GPRIN3: variants seen among roughly 807,000 people sequenced by gnomAD.
The protein encoded by GPRIN3 is G protein-regulated inducer of neurite outgrowth 3.
Under a neutral mutation model 13.7 loss-of-function variants are expected in GPRIN3, and 12 were observed. The observed-to-expected ratio is 0.87, with a 90% CI of 0.56 to 1.42. GPRIN3 has a LOEUF of 1.42. Among genes scored for constraint, GPRIN3 ranks in the 40% most tolerant of loss-of-function variants. The pLI is 0.00. For synonymous variants in GPRIN3, 377 were observed against 372.7 expected (o/e 1.01, Z -0.13); for missense variants, 1,009 against 958.7 (o/e 1.05, Z -0.69).
At chr4:89,296,624 T>G (rs1164854857) in intron 1 of GPRIN3, among the ~76,000 whole-genome samples, 4 of 128,458 alleles carry the variant, frequency 3.1e-5, no homozygotes, top group African/African-American at 9.8e-5. Flanking sequence ...GGCAGTTAAA[T>G]AAAGACACAT....
chr4:89,290,712 A>T (rs1724548508), intron 1 of GPRIN3, among the ~76,000 whole-genome samples: 1 of 151,976 alleles, frequency 6.6e-6, no homozygotes, highest in Non-Finnish European at 1.5e-5. Flanking sequence ...TTTGATAGGG[A>T]CTCTAAGAAG....
intron 1 of GPRIN3, among the ~76,000 whole-genome samples, chr4:89,292,958 AG>A (rs1334292529): frequency 1.3e-5 from 2 of 152,206 alleles, no homozygotes. Context: ...TTTATATTGT[AG>A]GATGATGCAT....
chr4:89,275,320 T>C (rs1163718673), intron 1 of GPRIN3, among the ~76,000 whole-genome samples: 1 of 152,110 alleles, frequency 6.6e-6, no homozygotes, highest in African/African-American at 2.4e-5. Context: ...AAGCTGCGTA[T>C]CTAATTTGAA....
Position 89,242,691 on chromosome 4 carries a change from G to A in GPRIN3, c.*5089C>T, listed in dbSNP as rs1249534551. ...ATTATATAATGGTGTGCCCATAATA[G>A]ATGCATTTGCTGGTATAACTGCCTC... On this transcript the variant is annotated 3_prime_UTR_variant, in exon 2 of 2. Transcript: ENST00000609438. 6.6e-6 allele frequency: 1 copy of A among 152,114 alleles called. No homozygotes were observed. The highest frequency in any genetic ancestry group is 2.4e-5 in the African/African-American group (1 of 41,408). The allele number at this position is 152,114 out of a possible 1,614,324, so 9.4% of individuals were successfully genotyped here.
rs573302263 is a variant in GPRIN3, at chr4:89,303,377, G to A, written c.-124+4238C>T. 3.3e-5 allele frequency among the ~76,000 whole-genome samples: 5 copies of A among 152,250 alleles called. No individual in the cohort carries two copies. In the South Asian group the frequency reaches 1.0e-3, roughly 32 times the overall value. On this transcript the variant is annotated intron_variant, in intron 1 of 1. Transcript: ENST00000609438. ...TGAAATAATCACGCCACAATGTGGT[G>A]TATCTCGTAATGTCAATAGTTCAAC...
chr4:89,262,766 T>C (rs1723669043), intron 1 of GPRIN3, among the ~76,000 whole-genome samples: 1 of 152,182 alleles, frequency 6.6e-6, no homozygotes, highest in South Asian at 2.1e-4. Flanking sequence ...AAGTTACTTT[T>C]CCCAGACTTT....
chr4:89,290,074 A>C lies in GPRIN3; in HGVS notation c.-124+17541T>G, dbSNP rs1161783126. 4.7e-5 allele frequency among the ~76,000 whole-genome samples: 7 copies of C among 150,366 alleles called. No homozygotes were observed. The South Asian group carries it at 1.5e-3, about 32-fold the overall frequency. Reference sequence around the variant, plus strand: ...GCTGGAGGGCAGTGGTGCACATTAGACTCCAGCCTGGGCGACAGAGTGAGA... The same window carrying C: ...GCTGGAGGGCAGTGGTGCACATTAGCCTCCAGCCTGGGCGACAGAGTGAGA... On this transcript the variant is annotated intron_variant, in intron 1 of 1. Transcript: ENST00000609438.
chr4:89,273,317 C>G (rs1397250079), intron 1 of GPRIN3, among the ~76,000 whole-genome samples: 1 of 152,176 alleles, frequency 6.6e-6, no homozygotes, highest in Non-Finnish European at 1.5e-5. Context: ...AATCTGGAGT[C>G]AAACAGATTT....
chr4:89,266,341 G>A (rs1723778645), intron 1 of GPRIN3, among the ~76,000 whole-genome samples: 1 of 152,166 alleles, frequency 6.6e-6, no homozygotes, highest in African/African-American at 2.4e-5. Flanking sequence ...GGCAGCTGGT[G>A]GGCCTCTCTC....
chr4:89,297,554 C>T (rs568536391), intron 1 of GPRIN3, among the ~76,000 whole-genome samples: 3 of 152,260 alleles, frequency 2.0e-5, no homozygotes, highest in African/African-American at 7.2e-5. Flanking sequence ...CCAGTCTCTG[C>T]GCTCCAAGGC....
At chr4:89,291,476 G>A (rs567728016) in intron 1 of GPRIN3, among the ~76,000 whole-genome samples, 3 of 152,236 alleles carry the variant, frequency 2.0e-5, no homozygotes, top group African/African-American at 4.8e-5. Context: ...TGTACTTGAC[G>A]TTCATCCCTG....
rs1271977248 is a variant in GPRIN3 at position 89,244,279 on chromosome 4, TATTTAGTTCA to T, written c.*3491_*3500del. 1 of 152,210 alleles carries T rather than the reference TATTTAGTTCA, an allele frequency of 6.6e-6. No homozygotes were observed. Among genetic ancestry groups the T allele is most frequent in the African/African-American group, 2.4e-5 (1 of 41,454 alleles). The allele number at this position is 152,210 out of a possible 1,614,324, so 9.4% of individuals were successfully genotyped here. A position where few individuals can be genotyped will look rare whatever the true frequency, so the allele number is the denominator to read the frequency against. On this transcript the variant is annotated 3_prime_UTR_variant, in exon 2 of 2. Coordinates refer to ENST00000609438, the MANE Select transcript of GPRIN3 (RefSeq NM_198281.3). Reference sequence around the variant, plus strand: ...CTCTAAGGTATATGTTACACATGCATATTTAGTTCAATTTATTTCAATTTTTATGTTTAAC... The same window carrying T: ...CTCTAAGGTATATGTTACACATGCATATTTATTTCAATTTTTATGTTTAAC...
chr4:89,280,118 GACATCCAACTAA>G (rs1175186437), intron 1 of GPRIN3, among the ~76,000 whole-genome samples: 1 of 152,016 alleles, frequency 6.6e-6, no homozygotes, highest in African/African-American at 2.4e-5. Context: ...CCTCATTGCT[GACATCCAACTAA>G]ACATCCAACT....
At chr4:89,270,581 A>ATATATATATTT (rs1723915936) in intron 1 of GPRIN3, among the ~76,000 whole-genome samples, 1 of 100,150 alleles carries the variant, frequency 1.0e-5, no homozygotes, top group African/African-American at 5.9e-5. Flanking sequence ...ATATATATAT[A>ATATATATATTT]TATATATATA....
intron 1 of GPRIN3, among the ~76,000 whole-genome samples, chr4:89,285,323 T>A (rs567998148): frequency 6.6e-6 from 1 of 151,518 alleles, no homozygotes; most frequent in Non-Finnish European, 1.5e-5. Flanking sequence ...GTTGTGCACA[T>A]GTACCCTAGA....
In GPRIN3 at chr4:89,248,717, G is replaced by A; in HGVS notation, c.1394C>T (p.Ala465Val). 1 of 1,614,172 alleles carries A rather than the reference G, an allele frequency of 6.2e-7. No individual in the cohort carries two copies. The highest frequency in any genetic ancestry group is 8.5e-7 in the Non-Finnish European group (1 of 1,180,024). Residue 465 changes from alanine to valine, a missense_variant, in exon 2 of 2, where the codon GCT becomes GTT. Physicochemically the swap from Ala to Val is moderately conservative, Grantham distance 64. Transcript: ENST00000609438. ...LAGTNSSSLK[A>V]TAIDQISISA... Reference sequence around the variant, plus strand: ...GATAGAAATCTGGTCAATGGCGGTAGCTTTCAGGGAGCTAGAATTAGTACC... The same window carrying A: ...GATAGAAATCTGGTCAATGGCGGTAACTTTCAGGGAGCTAGAATTAGTACC...
chr4:89,257,467 G>A (rs1315102559), intron 1 of GPRIN3, among the ~76,000 whole-genome samples: 3 of 152,184 alleles, frequency 2.0e-5, no homozygotes, highest in African/African-American at 7.2e-5. Context: ...GGGACAGCAA[G>A]CACTTATTTC....
At chr4:89,251,849 G>A (rs1448895536) in intron 1 of GPRIN3, among the ~76,000 whole-genome samples, 2 of 152,182 alleles carry the variant, frequency 1.3e-5, no homozygotes, top group Non-Finnish European at 2.9e-5. Flanking sequence ...AATAGAGGGA[G>A]AGTGATAAGT....
At chr4:89,262,668 C>T (rs997620332) in intron 1 of GPRIN3, among the ~76,000 whole-genome samples, 2 of 152,200 alleles carry the variant, frequency 1.3e-5, no homozygotes, top group Admixed American at 6.5e-5. Flanking sequence ...AAGCTCCAAG[C>T]TGGGCAATGT....
Sources: allele counts gnomAD v4.1 joint callset (sites outside exome capture counted in the v4.1 genomes callset), GRCh38; gene constraint gnomAD v4.1.1; transcripts MANE v1.5; gene names NCBI Gene and HGNC (gene_info 2026-07-23, HGNC 2026-07-21).